CTNND2: variants seen among roughly 807,000 people sequenced by gnomAD.
CTNND2 encodes catenin delta 2.
CTNND2 carries 22 observed loss-of-function variants against 144.4 expected under a neutral mutation model. The ratio of observed to expected loss-of-function variants is 0.15; its 90% CI spans 0.11 to 0.22. The LOEUF (loss-of-function observed/expected upper bound fraction) is 0.22. Among genes scored for constraint, CTNND2 ranks in the 10% least tolerant of loss-of-function variants. The pLI, the probability that CTNND2 is intolerant of heterozygous loss-of-function variation, is 1.00. For synonymous variants in CTNND2, 751 were observed against 695.6 expected, an observed-to-expected ratio of 1.08 and a Z score of -1.25; for missense variants, 1,353 against 1,618.8, an observed-to-expected ratio of 0.84 and a Z score of 2.82.
intron 16 of CTNND2, among the ~76,000 whole-genome samples, chr5:11,048,038 A>T (rs777236822): frequency 3.9e-5 from 6 of 152,188 alleles, no homozygotes; most frequent in Non-Finnish European, 8.8e-5. Flanking sequence ...TGGCCGCTTC[A>T]CCATCCCCAA....
chr5:11,188,425 A>G (rs1735876831), intron 11 of CTNND2, among the ~76,000 whole-genome samples: 1 of 152,158 alleles, frequency 6.6e-6, no homozygotes, highest in Admixed American at 6.6e-5. Context: ...ACATGGACAC[A>G]GGGAGGGGAA....
intron 12 of CTNND2, among the ~76,000 whole-genome samples, chr5:11,150,875 C>T (rs1473540083): frequency 6.6e-6 from 1 of 152,122 alleles, no homozygotes; most frequent in Non-Finnish European, 1.5e-5. Flanking sequence ...ATCCACCCGC[C>T]TTGGCCTCTC....
chr5:11,012,225 G>A (rs1226685040), intron 18 of CTNND2, among the ~76,000 whole-genome samples: 1 of 151,118 alleles, frequency 6.6e-6, no homozygotes, highest in Non-Finnish European at 1.5e-5. Flanking sequence ...TCATGGATGG[G>A]AAAACCAAGG....
At chr5:11,786,793 A>G (rs1297009626) in intron 1 of CTNND2, among the ~76,000 whole-genome samples, 1 of 152,218 alleles carries the variant, frequency 6.6e-6, no homozygotes, top group Non-Finnish European at 1.5e-5. Context: ...ACACTGTGCT[A>G]ACTAACATAC....
At chr5:11,068,126 A>T (rs1747820317) in intron 16 of CTNND2, among the ~76,000 whole-genome samples, 1 of 152,234 alleles carries the variant, frequency 6.6e-6, no homozygotes, top group South Asian at 2.1e-4. Flanking sequence ...TCTTAAGTTT[A>T]AACTTTAATA....
At chr5:11,710,787 AT>A (rs1193991919) in intron 2 of CTNND2, among the ~76,000 whole-genome samples, 2 of 152,126 alleles carry the variant, frequency 1.3e-5, no homozygotes, top group Admixed American at 1.3e-4. Context: ...CTACAGTGGC[AT>A]TTTCAATGGA....
chr5:11,265,573 C>T (rs1368437608), intron 9 of CTNND2, among the ~76,000 whole-genome samples: 2 of 151,924 alleles, frequency 1.3e-5, no homozygotes, highest in South Asian at 2.1e-4. Context: ...TCCCTTAATA[C>T]AAAAGTACTC....
chr5:11,881,985 G>C (rs1736152831), intron 1 of CTNND2, among the ~76,000 whole-genome samples: 1 of 151,954 alleles, frequency 6.6e-6, no homozygotes. Context: ...CTGATGATTA[G>C]AGCTGTAGAT....
At chr5:11,427,415 C>A (rs1385430371) in intron 3 of CTNND2, among the ~76,000 whole-genome samples, 1 of 151,532 alleles carries the variant, frequency 6.6e-6, no homozygotes, top group South Asian at 2.1e-4. Flanking sequence ...GTAGCTGGGA[C>A]TACAGGCGTG....
At chr5:11,195,584 T>A (rs146829914) in intron 11 of CTNND2, among the ~76,000 whole-genome samples, 53 of 152,222 alleles carry the variant, frequency 3.5e-4, no homozygotes, top group African/African-American at 1.2e-3. Flanking sequence ...GGAAAGGCCA[T>A]CTGGATATGC....
At position 11,207,235 on chromosome 5, in the gene CTNND2, G is replaced by A. The variant is rs914203005; in HGVS notation, c.1762-7574C>T. Among the ~76,000 whole-genome samples the A allele has an allele frequency of 2.6e-5, 4 of 152,164 alleles. No individual in the cohort carries two copies. The South Asian group carries it at 6.2e-4, about 24-fold the overall frequency. On this transcript the variant is annotated intron_variant, in intron 10 of 21. Transcript: ENST00000304623. ...GGAACATCACACACTGGGGCCTGTT[G>A]GGGGGTGTGGGGCTTGCGGAGGGAT... is the stretch of plus-strand genomic sequence containing the variant.
chr5:11,749,283 G>T (rs542338599), intron 1 of CTNND2, among the ~76,000 whole-genome samples: 1 of 152,128 alleles, frequency 6.6e-6, no homozygotes, highest in East Asian at 1.9e-4. Flanking sequence ...GTTGTGTTAA[G>T]GTCCTAAATT....
At chr5:11,776,963 A>G (rs1193069249) in intron 1 of CTNND2, among the ~76,000 whole-genome samples, 2 of 152,222 alleles carry the variant, frequency 1.3e-5, no homozygotes, top group Non-Finnish European at 2.9e-5. Flanking sequence ...TAAAAACAGT[A>G]TAAGAAAATC....
rs76704725 is a variant in CTNND2 at position 10,998,846 on chromosome 5, G to A, written c.3085-6169C>T. On this transcript the variant is annotated intron_variant, in intron 18 of 21. Transcript: ENST00000304623. ...ATTTAAAGTTTACAGGAAAATGTGC[G>A]TAGGTTATATGCAAATACTGCACCA... Among the ~76,000 whole-genome samples the A allele has an allele frequency of 1.3e-3, 193 of 152,256 alleles. 2 individuals carry two copies. In the East Asian group the frequency reaches 0.028, roughly 22 times the overall value.
At chr5:11,381,994 AAAC>A (rs1383143229) in intron 7 of CTNND2, among the ~76,000 whole-genome samples, 2 of 151,838 alleles carry the variant, frequency 1.3e-5, no homozygotes, top group Non-Finnish European at 2.9e-5. Flanking sequence ...AAACAAAACA[AAAC>A]AAAACAAAAC....
intron 12 of CTNND2, among the ~76,000 whole-genome samples, chr5:11,150,382 T>C (rs186648651): frequency 3.2e-4 from 48 of 152,240 alleles, no homozygotes; most frequent in Non-Finnish European, 6.5e-4. Flanking sequence ...CCAGAGAGCA[T>C]AGAATGGCAC....
chr5:11,821,534 C>CA (rs562842592), intron 1 of CTNND2, among the ~76,000 whole-genome samples: 30 of 146,122 alleles, frequency 2.1e-4, no homozygotes, highest in South Asian at 8.7e-4. Flanking sequence ...ATAGCAAAAC[C>CA]AAAAAAAAAA....
In CTNND2 at chr5:11,335,979, T is replaced by C. The variant is rs570550840; in HGVS notation, c.1628+10393A>G. Among the ~76,000 whole-genome samples the C allele has an allele frequency of 4.6e-5, 7 of 152,108 alleles. No individual in the cohort carries two copies. The East Asian group carries it at 1.2e-3, about 25-fold the overall frequency. On this transcript the variant is annotated intron_variant, in intron 9 of 21. Coordinates refer to ENST00000304623, the MANE Select transcript of CTNND2 (RefSeq NM_001332.4). Reference sequence around the variant, plus strand: ...AACTTCAGCCTCTGATTGGTTGCTTTCCACAACCAATCAGAGGCTGAAGTG... The same window carrying C: ...AACTTCAGCCTCTGATTGGTTGCTTCCCACAACCAATCAGAGGCTGAAGTG...
chr5:11,107,814 A>T (rs1752570341), intron 14 of CTNND2, among the ~76,000 whole-genome samples: 1 of 151,984 alleles, frequency 6.6e-6, no homozygotes, highest in Non-Finnish European at 1.5e-5. Flanking sequence ...GGCTCACAGC[A>T]GCCCTTGGGG....
Sources: allele counts gnomAD v4.1 joint callset (sites outside exome capture counted in the v4.1 genomes callset), GRCh38; gene constraint gnomAD v4.1.1; transcripts MANE v1.5; gene names NCBI Gene and HGNC (gene_info 2026-07-23, HGNC 2026-07-21).